MAPKAPK5: variants seen among roughly 807,000 people sequenced by gnomAD.
The protein encoded by MAPKAPK5 is MAPK activated protein kinase 5.
MAPKAPK5 carries 30 observed loss-of-function variants against 65.1 expected under a neutral mutation model. The observed-to-expected ratio is 0.46, with a 90% CI of 0.34 to 0.63. The LOEUF is 0.63. Ranked by LOEUF, MAPKAPK5 falls within the 20% of genes least tolerant of loss-of-function variation. The pLI, the probability that MAPKAPK5 is intolerant of heterozygous loss-of-function variation, is 0.01. For synonymous variants in MAPKAPK5, 179 were observed against 204.6 expected (o/e 0.87, Z 1.07); for missense variants, 433 against 581.4 (o/e 0.74, Z 2.63).
rs765249428 is a variant in MAPKAPK5 at position 111,901,160 on chromosome 12, TGAA to T, written c.*8101_*8103del. 2.0e-5 allele frequency: 9 copies of T among 455,802 alleles called. No homozygotes were observed. The highest frequency in any genetic ancestry group is 4.0e-5 in the African/African-American group (2 of 49,980). 28.2% of individuals were successfully genotyped at this position (455,802 alleles called of 1,614,324 possible). ...CCTATATGAGTACTGACATTCCTGA[TGAA>T]GGAGATGTGCACAATGGCACTTACT... On this transcript the variant is annotated 3_prime_UTR_variant, in exon 14 of 14. Transcript: ENST00000550735.
At chr12:111,845,303 T>C (rs1340575947) in intron 1 of MAPKAPK5, among the ~76,000 whole-genome samples, 1 of 152,032 alleles carries the variant, frequency 6.6e-6, no homozygotes, top group Admixed American at 6.5e-5. Context: ...TTTGTTGTTA[T>C]TGCTATTTTG....
intron 12 of MAPKAPK5, chr12:111,889,432 C>T (rs1471322832): frequency 5.8e-6 from 1 of 172,718 alleles, no homozygotes; most frequent in African/African-American, 2.4e-5. Flanking sequence ...GAGAATACCT[C>T]CTTAGTTCAG....
At chr12:111,853,201 TA>T (rs1262891582) in intron 1 of MAPKAPK5, among the ~76,000 whole-genome samples, 260 of 142,582 alleles carry the variant, frequency 1.8e-3, no homozygotes, top group Middle Eastern at 3.6e-3. Context: ...CCCTCTCTAC[TA>T]AAAAAAAAAA....
At chr12:111,886,164 G>GGGAA in intron 10 of MAPKAPK5, 128 bp downstream of exon 10, 4 of 1,358,330 alleles carry the variant, frequency 2.9e-6, no homozygotes, top group East Asian at 2.3e-5. Context: ...AAACATCTCT[G>GGGAA]GTTTCCTGAG....
At position 111,896,486 on chromosome 12, in the gene MAPKAPK5, C is replaced by T. The variant is rs534654852; in HGVS notation, c.*3425C>T. The stretch of plus-strand genomic sequence containing the variant: ...GAAGTGGAGTTTTGTTTGTGTATTC[C>T]TAGTCCAGCAGTAAATTCTGCTTTA... On this transcript the variant is annotated 3_prime_UTR_variant, in exon 14 of 14. Transcript: ENST00000550735. 5.3e-5 allele frequency: 8 copies of T among 152,254 alleles called. No homozygotes were observed. The East Asian group carries it at 9.7e-4, about 18-fold the overall frequency. The allele number at this position is 152,254 out of a possible 1,614,324, so 9.4% of individuals were successfully genotyped here. A position where few individuals can be genotyped will look rare whatever the true frequency, so the allele number is the denominator to read the frequency against.
rs1593207583 is a variant in MAPKAPK5, at chr12:111,901,155, C to G, written c.*8094C>G. The stretch of plus-strand genomic sequence containing the variant: ...GGATGCCTATATGAGTACTGACATT[C>G]CTGATGAAGGAGATGTGCACAATGG... On this transcript the variant is annotated 3_prime_UTR_variant, in exon 14 of 14. Transcript: ENST00000550735. The G allele has an allele frequency of 2.2e-6, 1 of 456,060 alleles. No individual in the cohort carries two copies. Among genetic ancestry groups the G allele is most frequent in the South Asian group, 1.5e-5 (1 of 64,564 alleles). 28.3% of individuals were successfully genotyped at this position (456,060 alleles called of 1,614,324 possible).
Position 111,901,623 on chromosome 12 carries a change from T to A in MAPKAPK5, c.*8562T>A. The A allele has an allele frequency of 7.5e-6, 2 of 266,960 alleles. No homozygotes were observed. Among genetic ancestry groups the A allele is most frequent in the Non-Finnish European group, 1.5e-5 (2 of 134,972 alleles). 16.5% of individuals were successfully genotyped at this position (266,960 alleles called of 1,614,324 possible). A position where few individuals can be genotyped will look rare whatever the true frequency, so the allele number is the denominator to read the frequency against. ...GAAATAAAGCCAGAAGCAGCAGAAG[T>A]GGCCACAGAAGAAAAAGAAGAGAAG... On this transcript the variant is annotated 3_prime_UTR_variant, in exon 14 of 14. Transcript: ENST00000550735.
intron 1 of MAPKAPK5, among the ~76,000 whole-genome samples, chr12:111,860,026 C>T (rs373614069): frequency 3.9e-5 from 6 of 152,154 alleles, no homozygotes; most frequent in Non-Finnish European, 5.9e-5. Context: ...GCCGAGATTG[C>T]GCCATCGCAC....
chr12:111,844,197 G>T (rs928148138), intron 1 of MAPKAPK5, among the ~76,000 whole-genome samples: 5 of 140,546 alleles, frequency 3.6e-5, no homozygotes, highest in Non-Finnish European at 6.3e-5. Flanking sequence ...TTTGGGTTTT[G>T]TTTTTTTTTT....
At chr12:111,881,473 C>T (rs929773479) in intron 8 of MAPKAPK5, among the ~76,000 whole-genome samples, 6 of 147,256 alleles carry the variant, frequency 4.1e-5, no homozygotes, top group Non-Finnish European at 7.4e-5. Context: ...GGCACAATCT[C>T]GGCTCACTGC....
At chr12:111,868,239 T>G (rs910429804) in intron 4 of MAPKAPK5, among the ~76,000 whole-genome samples, 35 of 152,216 alleles carry the variant, frequency 2.3e-4, no homozygotes, top group Non-Finnish European at 3.7e-4. Context: ...ATGGTTTTTT[T>G]GGGGAAGACT....
chr12:111,855,153 G>A (rs941896009), intron 1 of MAPKAPK5, among the ~76,000 whole-genome samples: 8 of 151,876 alleles, frequency 5.3e-5, no homozygotes, highest in Non-Finnish European at 8.8e-5. Flanking sequence ...AATAATTTGT[G>A]TCCTGCCCTT....
rs2071020103 is a variant in MAPKAPK5, at chr12:111,900,808, A to G, written c.*7747A>G. The G allele has an allele frequency of 2.2e-6, 1 of 456,016 alleles. No homozygotes were observed. The highest frequency in any genetic ancestry group is 6.9e-5 in the East Asian group (1 of 14,416). 28.2% of individuals were successfully genotyped at this position (456,016 alleles called of 1,614,324 possible). On this transcript the variant is annotated 3_prime_UTR_variant, in exon 14 of 14. Coordinates refer to ENST00000550735, the MANE Select transcript of MAPKAPK5 (RefSeq NM_003668.4). Reference sequence around the variant, plus strand: ...TCTGCATTATGCCCCAACAACAGGCATAAGCAAGATGGCTCAAAATGTCAT... The same window carrying G: ...TCTGCATTATGCCCCAACAACAGGCGTAAGCAAGATGGCTCAAAATGTCAT...
intron 8 of MAPKAPK5, among the ~76,000 whole-genome samples, chr12:111,881,161 C>T (rs1430593407): frequency 2.0e-5 from 3 of 151,934 alleles, no homozygotes; most frequent in Non-Finnish European, 4.4e-5. Flanking sequence ...GCAACCTCCA[C>T]CTCCTGTGCT....
intron 10 of MAPKAPK5, chr12:111,887,950 G>C (rs2070466834): frequency 6.5e-6 from 1 of 153,814 alleles, no homozygotes; most frequent in South Asian, 2.0e-4. Flanking sequence ...TCTGCCCGTA[G>C]TGAGATTATA....
At chr12:111,848,632 T>TG (rs954613772) in intron 1 of MAPKAPK5, among the ~76,000 whole-genome samples, 1 of 151,692 alleles carries the variant, frequency 6.6e-6, no homozygotes, top group Non-Finnish European at 1.5e-5. Context: ...AGGCTGGTCT[T>TG]GAACTCCTGA....
intron 1 of MAPKAPK5, among the ~76,000 whole-genome samples, chr12:111,854,041 G>A (rs1457471065): frequency 6.6e-6 from 1 of 152,012 alleles, no homozygotes; most frequent in Non-Finnish European, 1.5e-5. Flanking sequence ...ATTCTTACAT[G>A]TTGCTAGTTT....
chr12:111,857,989 C>T (rs536148545), intron 1 of MAPKAPK5, among the ~76,000 whole-genome samples: 7 of 152,002 alleles, frequency 4.6e-5, no homozygotes, highest in Non-Finnish European at 8.8e-5. Context: ...ACCTCAATCT[C>T]CTGGGCTCAA....
At chr12:111,878,190 C>T (rs1357226676) in intron 7 of MAPKAPK5, among the ~76,000 whole-genome samples, 1 of 151,940 alleles carries the variant, frequency 6.6e-6, no homozygotes, top group African/African-American at 2.4e-5. Flanking sequence ...TTTTTTAAGG[C>T]CTGTGCTTTT....
Sources: gnomAD v4.1 joint callset for allele counts (sites outside exome capture counted in the v4.1 genomes callset) on GRCh38, gnomAD v4.1.1 for gene constraint, MANE v1.5 for transcripts, NCBI Gene and HGNC (gene_info 2026-07-23, HGNC 2026-07-21) for gene names.